Variants in LRRFIP2 observed in about 807,000 individuals in gnomAD.
LRRFIP2 encodes the protein LRR binding FLII interacting protein 2.
A neutral mutation model predicts 125.9 loss-of-function variants in LRRFIP2; 109 were observed. The observed-to-expected ratio is 0.87, with a 90% CI of 0.74 to 1.01. The LOEUF is 1.01. Among genes scored for constraint, LRRFIP2 ranks in the 50% least tolerant of loss-of-function variants. LRRFIP2 has a pLI of 0.00. For synonymous variants in LRRFIP2, 291 were observed against 293.1 expected, an observed-to-expected ratio of 0.99 and a Z score of 0.07; for missense variants, 850 against 862.3, an observed-to-expected ratio of 0.99 and a Z score of 0.18.
chr3:37,089,835 G>A lies in LRRFIP2; in HGVS notation c.1107+1632C>T, dbSNP rs139430119. 6.6e-3 allele frequency among the ~76,000 whole-genome samples: 997 copies of A among 152,166 alleles called. 10 individuals are homozygous for A. The highest frequency in any genetic ancestry group is 0.023 in the African/African-American group (937 of 41,518). On this transcript the variant is annotated intron_variant, in intron 18 of 27. Transcript: ENST00000336686. The stretch of plus-strand genomic sequence containing the variant: ...TTGATCCAAGATAATTTCAAAAGTC[G>A]TATCTCTAAAACCTTAAAAGAGAGA...
chr3:37,065,891 G>C lies in LRRFIP2; in HGVS notation c.1618C>G (p.His540Asp). The C allele has an allele frequency of 6.2e-7, 1 of 1,614,154 alleles. No individual in the cohort carries two copies. Among genetic ancestry groups the C allele is most frequent in the Non-Finnish European group, 8.5e-7 (1 of 1,180,004 alleles). ...GTGATGGCTCCAGCCACTGGTTCATGACTGACATCACCATTGGGAGTGCCA... is the reference window on the plus strand; with the variant it reads ...GTGATGGCTCCAGCCACTGGTTCATCACTGACATCACCATTGGGAGTGCCA... Reference protein sequence around the residue: ...PDGTPNGDVSHEPVAGAITVV... With the variant: ...PDGTPNGDVSDEPVAGAITVV... Residue 540 changes from histidine (H) to aspartate (D), a missense_variant, in exon 23 of 28, where the codon CAT becomes GAT. Coordinates refer to ENST00000336686, the MANE Select transcript of LRRFIP2 (RefSeq NM_006309.4).
chr3:37,078,887 T>C (rs936486291), intron 19 of LRRFIP2, among the ~76,000 whole-genome samples: 1 of 152,152 alleles, frequency 6.6e-6, no homozygotes, highest in Non-Finnish European at 1.5e-5. Flanking sequence ...TAGCCAAAGA[T>C]GGGACAATTT....
intron 9 of LRRFIP2, among the ~76,000 whole-genome samples, 198 bp downstream of exon 9, chr3:37,110,793 C>A (rs1397426347): frequency 6.6e-6 from 1 of 151,958 alleles, no homozygotes; most frequent in Non-Finnish European, 1.5e-5. Flanking sequence ...TTTAATGGTA[C>A]TGATTTATAA....
chr3:37,107,176 C>T (rs2094369131), intron 13 of LRRFIP2, among the ~76,000 whole-genome samples: 1 of 152,150 alleles, frequency 6.6e-6, no homozygotes, highest in Admixed American at 6.5e-5. Flanking sequence ...GCTGGGATTA[C>T]AGGCGTGAGC....
chr3:37,146,388 C>A (rs1301933307), intron 2 of LRRFIP2, among the ~76,000 whole-genome samples: 1 of 152,124 alleles, frequency 6.6e-6, no homozygotes, highest in Non-Finnish European at 1.5e-5. Flanking sequence ...TGATGGTTTG[C>A]TGTACCTATC....
chr3:37,116,809 G>A (rs2094809751), intron 6 of LRRFIP2, among the ~76,000 whole-genome samples: 1 of 151,978 alleles, frequency 6.6e-6, no homozygotes, highest in South Asian at 2.1e-4. Flanking sequence ...ATAAGTATCA[G>A]ACTAAGTGGT....
chr3:37,102,149 A>G (rs2094093957), intron 15 of LRRFIP2, among the ~76,000 whole-genome samples: 1 of 152,228 alleles, frequency 6.6e-6, no homozygotes, highest in African/African-American at 2.4e-5. Context: ...ATGTCTGAAT[A>G]AGGGCTAGGT....
Position 37,075,119 on chromosome 3 carries a change from G to T in LRRFIP2, c.1279-3C>A. 1.3e-6 allele frequency: 2 copies of T among 1,598,104 alleles called. No individual in the cohort carries two copies. Among genetic ancestry groups the T allele is most frequent in the African/African-American group, 1.3e-5 (1 of 74,708 alleles). On this transcript the variant is annotated splice_polypyrimidine_tract_variant and splice_region_variant and intron_variant, in intron 19 of 27. Transcript: ENST00000336686. ...ATATGTTTCTGCCTTTCTAACTCCT[G>T]TTATTAAACAAATAATATCATTTAC...
chr3:37,066,912 C>T (rs1408915590), intron 21 of LRRFIP2: 3 of 152,502 alleles, frequency 2.0e-5, no homozygotes, highest in African/African-American at 4.8e-5. Flanking sequence ...CAAAGATCAA[C>T]TTCTGACAAC....
In LRRFIP2 at chr3:37,108,618, T is replaced by G; in HGVS notation, c.657+19A>C. ...CCACATTTCCCTCCTCTTCACCACC[T>G]TCCCCTATTTAGACTTACAGTTCGA... On this transcript the variant is annotated intron_variant, in intron 12 of 27. Transcript: ENST00000336686. 1 of 1,598,208 alleles carries G rather than the reference T, an allele frequency of 6.3e-7. No individual in the cohort carries two copies. Among genetic ancestry groups the G allele is most frequent in the South Asian group, 1.1e-5 (1 of 89,944 alleles).
At chr3:37,121,110 C>T (rs183244803) in intron 6 of LRRFIP2, among the ~76,000 whole-genome samples, 17 of 152,232 alleles carry the variant, frequency 1.1e-4, no homozygotes, top group Admixed American at 1.1e-3. Flanking sequence ...ATCATCCAAG[C>T]CCCAAAGCTA....
intron 24 of LRRFIP2, among the ~76,000 whole-genome samples, chr3:37,063,230 A>T (rs114088607): frequency 0.011 from 1,669 of 152,334 alleles, 39 homozygotes; most frequent in African/African-American, 0.037. Context: ...AGAGGGTCCT[A>T]ATGACACAAG....
chr3:37,122,692 G>T (rs997878786), intron 4 of LRRFIP2, among the ~76,000 whole-genome samples: 7 of 151,896 alleles, frequency 4.6e-5, no homozygotes, highest in African/African-American at 1.7e-4. Context: ...ACATCTAGAA[G>T]TAATTACATA....
chr3:37,082,303 G>A (rs2092709063), intron 19 of LRRFIP2, among the ~76,000 whole-genome samples: 1 of 152,138 alleles, frequency 6.6e-6, no homozygotes, highest in Non-Finnish European at 1.5e-5. Flanking sequence ...GCCACTGTCA[G>A]TCCAATATGA....
intron 4 of LRRFIP2, among the ~76,000 whole-genome samples, chr3:37,123,334 G>A (rs561975188): frequency 4.6e-5 from 7 of 152,266 alleles, no homozygotes; most frequent in African/African-American, 1.7e-4. Flanking sequence ...TGGGACCACA[G>A]GCACCCACCA....
At chr3:37,138,670 A>G (rs1182392702) in intron 2 of LRRFIP2, among the ~76,000 whole-genome samples, 2 of 152,206 alleles carry the variant, frequency 1.3e-5, no homozygotes, top group Non-Finnish European at 2.9e-5. Flanking sequence ...TCTTCCACTC[A>G]GAAATCTAGT....
chr3:37,158,637 A>G (rs1305985769), intron 1 of LRRFIP2, among the ~76,000 whole-genome samples: 1 of 151,980 alleles, frequency 6.6e-6, no homozygotes, highest in Admixed American at 6.6e-5. Flanking sequence ...ATAAAGCAGA[A>G]AACAGGAAAA....
At chr3:37,165,254 C>T (rs546374823) in intron 1 of LRRFIP2, among the ~76,000 whole-genome samples, 1 of 148,560 alleles carries the variant, frequency 6.7e-6, no homozygotes, top group African/African-American at 2.5e-5. Context: ...AACAAAAAAA[C>T]AAAAAAAAAT....
rs569441522 is a variant in LRRFIP2 at position 37,096,908 on chromosome 3, T to C, written c.874-248A>G. On this transcript the variant is annotated intron_variant, in intron 15 of 27. Coordinates refer to ENST00000336686, the MANE Select transcript of LRRFIP2 (RefSeq NM_006309.4). ...AAAAGTTTAGAACTTTTGGGTAAAT[T>C]TTCTGTTTAAGGTATTTAAAACACA... Among the ~76,000 whole-genome samples the C allele has an allele frequency of 3.3e-5, 5 of 152,220 alleles. No individual in the cohort carries two copies. In the South Asian group the frequency reaches 1.0e-3, roughly 32 times the overall value.
Sources: gnomAD v4.1 joint callset for allele counts (sites outside exome capture counted in the v4.1 genomes callset) on GRCh38, gnomAD v4.1.1 for gene constraint, MANE v1.5 for transcripts, NCBI Gene and HGNC (gene_info 2026-07-23, HGNC 2026-07-21) for gene names.